Variants in MRPS18C observed in about 807,000 individuals in gnomAD.
The protein encoded by MRPS18C is small ribosomal subunit protein bS18m.
Under a neutral mutation model 21.0 loss-of-function variants are expected in MRPS18C, and 21 were observed. That is an observed-to-expected ratio of 1.00 (90% CI 0.71 to 1.44). The LOEUF is 1.44. Among genes scored for constraint, MRPS18C ranks in the 40% most tolerant of loss-of-function variants. MRPS18C has a pLI of 0.00. For missense variants in MRPS18C, 152 were observed against 171.5 expected (o/e 0.89, Z 0.64); for synonymous variants, 65 against 54.3 (o/e 1.20, Z -0.87).
At position 83,457,067 on chromosome 4, in the gene MRPS18C, T is replaced by C; in HGVS notation, c.150+109T>C. 3.5e-6 allele frequency: 3 copies of C among 867,696 alleles called. No homozygotes were observed. In the South Asian group the frequency reaches 4.8e-5, roughly 14 times the overall value. The allele number at this position is 867,696 out of a possible 1,614,324, so 53.7% of individuals were successfully genotyped here. On this transcript the variant is annotated intron_variant, in intron 2 of 5. Transcript: ENST00000295491. ...CTCTAACATCTTTTATTTTAGCTAC[T>C]TGAATAGAGTTCTGCCGTAGGACAA...
Position 83,461,366 on chromosome 4 carries a change from AACAC to A in MRPS18C, c.*170_*173del. ...AAGCAGATTGCTTATTTAAAATGTT[AACAC>A]TCATCACATTTTATCTATGTTGAAT... is the stretch of plus-strand genomic sequence containing the variant. On this transcript the variant is annotated 3_prime_UTR_variant, in exon 6 of 6. Transcript: ENST00000295491. 1 of 589,394 alleles carries A rather than the reference AACAC, an allele frequency of 1.7e-6. No homozygotes were observed. Among genetic ancestry groups the A allele is most frequent in the Non-Finnish European group, 3.0e-6 (1 of 329,908 alleles). The allele number at this position is 589,394 out of a possible 1,614,324, so 36.5% of individuals were successfully genotyped here. A position where few individuals can be genotyped will look rare whatever the true frequency, so the allele number is the denominator to read the frequency against.
At chr4:83,458,796 G>C (rs1255168597) in intron 3 of MRPS18C, 1 of 166,668 alleles carries the variant, frequency 6.0e-6, no homozygotes, top group Non-Finnish European at 1.3e-5. Context: ...CTTATCTCTT[G>C]TCTAACTCTC....
In MRPS18C at chr4:83,458,448, T is replaced by C. The variant is rs1436019929; in HGVS notation, c.234+19T>C. The C allele has an allele frequency of 1.3e-6, 2 of 1,539,422 alleles. No individual in the cohort carries two copies. Among genetic ancestry groups the C allele is most frequent in the African/African-American group, 2.8e-5 (2 of 72,160 alleles). On this transcript the variant is annotated intron_variant, in intron 3 of 5. Transcript: ENST00000295491. ...TGTACAGGTGAGATCTGGTTTTACTTCACTATATTTTAGGGTTTTGCTTCT... is the reference window on the plus strand; with the variant it reads ...TGTACAGGTGAGATCTGGTTTTACTCCACTATATTTTAGGGTTTTGCTTCT...
chr4:83,457,105 A>C (rs1721873340), intron 2 of MRPS18C, 147 bp downstream of exon 2: 1 of 619,986 alleles, frequency 1.6e-6, no homozygotes. Flanking sequence ...CAATTTGATA[A>C]TTACTCTGAG....
Position 83,458,155 on chromosome 4 carries a change from A to G in MRPS18C, c.151-191A>G, listed in dbSNP as rs538473630. The stretch of plus-strand genomic sequence containing the variant: ...TAAAATTTTATTCTATGAAGATTGT[A>G]CTTTATTCCAGAATCTTCCCATGCG... On this transcript the variant is annotated intron_variant, in intron 2 of 5. Transcript: ENST00000295491. 46 of 481,290 alleles carry G rather than the reference A, an allele frequency of 9.6e-5. No homozygotes were observed. The East Asian group carries it at 1.7e-3, about 18-fold the overall frequency. 29.8% of individuals were successfully genotyped at this position (481,290 alleles called of 1,614,324 possible). A position where few individuals can be genotyped will look rare whatever the true frequency, so the allele number is the denominator to read the frequency against.
chr4:83,460,928 AAATATTGACATTTTTT>A, intron 4 of MRPS18C, 29 bp from the exon 5 acceptor site: 2 of 1,559,448 alleles, frequency 1.3e-6, no homozygotes, highest in Non-Finnish European at 1.7e-6. Flanking sequence ...TGCAAACTTT[AAATATTGACATTTTTT>A]ATGAATAAGA....
chr4:83,458,597 T>TGATACGGCGAC, intron 3 of MRPS18C, 168 bp downstream of exon 3: 3 of 498,296 alleles, frequency 6.0e-6, no homozygotes, highest in Non-Finnish European at 1.0e-5. Flanking sequence ...TCTGCTTTAT[T>TGATACGGCGAC]CAAGTAAAAG....
At chr4:83,456,875 GA>G (rs1461449530) in intron 1 of MRPS18C, 33 bp from the exon 2 acceptor site, 2 of 1,604,466 alleles carry the variant, frequency 1.2e-6, no homozygotes, top group Admixed American at 1.7e-5. Flanking sequence ...CTAAGAAAAA[GA>G]AATGGTTAAT....
chr4:83,461,547 A>G lies in MRPS18C; in HGVS notation c.*350A>G. 1 of 326,314 alleles carries G rather than the reference A, an allele frequency of 3.1e-6. No homozygotes were observed. Among genetic ancestry groups the G allele is most frequent in the South Asian group, 5.1e-5 (1 of 19,644 alleles). The allele number at this position is 326,314 out of a possible 1,614,324, so 20.2% of individuals were successfully genotyped here. A position where few individuals can be genotyped will look rare whatever the true frequency, so the allele number is the denominator to read the frequency against. On this transcript the variant is annotated 3_prime_UTR_variant, in exon 6 of 6. Transcript: ENST00000295491. Reference sequence around the variant, plus strand: ...GTTAAGATATCTTCCCTTTGTAGAAATGTTACATTGGGATGGATAGTGGTG... The same window carrying G: ...GTTAAGATATCTTCCCTTTGTAGAAGTGTTACATTGGGATGGATAGTGGTG...
chr4:83,458,453 A>G (rs369432357), intron 3 of MRPS18C, 24 bp downstream of exon 3: 98 of 1,529,760 alleles, frequency 6.4e-5, no homozygotes, highest in Non-Finnish European at 8.5e-5. Context: ...TTACTTCACT[A>G]TATTTTAGGG....
In MRPS18C at chr4:83,458,429, G is replaced by A. The variant is rs754954618; in HGVS notation, c.234G>A (p.Gln78=). Residue 78 remains glutamine, a splice_region_variant and synonymous_variant, in exon 3 of 6, where the codon CAG becomes CAA. Transcript: ENST00000295491. The part of the protein sequence containing the change: ...CGKHVDYKNV[Q]LLSQFVSPFT... Reference sequence around the variant, plus strand: ...AGCATGTAGATTATAAGAATGTACAGGTGAGATCTGGTTTTACTTCACTAT... The same window carrying A: ...AGCATGTAGATTATAAGAATGTACAAGTGAGATCTGGTTTTACTTCACTAT... 5 of 1,570,964 alleles carry A rather than the reference G, an allele frequency of 3.2e-6. No homozygotes were observed. The highest frequency in any genetic ancestry group is 2.6e-6 in the Non-Finnish European group (3 of 1,147,296).
Position 83,461,038 on chromosome 4 carries a change from A to G in MRPS18C, c.352+6A>G, listed in dbSNP as rs1009365810. On this transcript the variant is annotated splice_donor_region_variant and intron_variant, in intron 5 of 5. Coordinates refer to ENST00000295491, the MANE Select transcript of MRPS18C (RefSeq NM_016067.4). ...TAAGAGAGCTCAAATAATGGGTAAG[A>G]AAGAATACCTCAACAACTGAATTGA... The G allele has an allele frequency of 6.8e-6, 11 of 1,612,890 alleles. No individual in the cohort carries two copies. Among genetic ancestry groups the G allele is most frequent in the Non-Finnish European group, 9.3e-6 (11 of 1,179,314 alleles).
Position 83,459,802 on chromosome 4 carries a change from GTTCT to G in MRPS18C, c.292+8_292+11del, listed in dbSNP as rs749104393. 1.9e-6 allele frequency: 3 copies of G among 1,586,256 alleles called. No homozygotes were observed. Among genetic ancestry groups the G allele is most frequent in the East Asian group, 2.3e-5 (1 of 44,438 alleles). On this transcript the variant is annotated splice_donor_region_variant and intron_variant, in intron 4 of 5. Coordinates refer to ENST00000295491, the MANE Select transcript of MRPS18C (RefSeq NM_016067.4). ...TTTATGGAAGGCACATTACAGGTAT[GTTCT>G]TTTTTATTATGGGAATATAAATGTA...
intron 5 of MRPS18C, 36 bp downstream of exon 5, chr4:83,461,068 G>C: frequency 2.5e-6 from 4 of 1,611,988 alleles, no homozygotes; most frequent in African/African-American, 1.3e-5. Flanking sequence ...AATTGAGCTA[G>C]CTGAAATTTT....
chr4:83,459,564 T>C lies in MRPS18C; in HGVS notation c.235-176T>C, dbSNP rs1049472100. 63 of 569,802 alleles carry C rather than the reference T, an allele frequency of 1.1e-4. No individual in the cohort carries two copies. In the African/African-American group the frequency reaches 1.2e-3, roughly 11 times the overall value. The allele number at this position is 569,802 out of a possible 1,614,324, so 35.3% of individuals were successfully genotyped here. A position where few individuals can be genotyped will look rare whatever the true frequency, so the allele number is the denominator to read the frequency against. On this transcript the variant is annotated intron_variant, in intron 3 of 5. Coordinates refer to ENST00000295491, the MANE Select transcript of MRPS18C (RefSeq NM_016067.4). ...TTATATATAGACTTGACACACTGGA[T>C]AGAAAATATTTAAAAGGTAACAGGA...
Position 83,460,114 on chromosome 4 carries a change from C to T in MRPS18C, c.292+317C>T, listed in dbSNP as rs185612745. The stretch of plus-strand genomic sequence containing the variant: ...CAAACTATGGCCCATAGGCCAAATT[C>T]GACCTGCTCCCTTTTTATCTTGATT... On this transcript the variant is annotated intron_variant, in intron 4 of 5. Transcript: ENST00000295491. 164 of 188,650 alleles carry T rather than the reference C, an allele frequency of 8.7e-4. 1 individual carries two copies. Among genetic ancestry groups the T allele is most frequent in the South Asian group, 1.8e-3 (10 of 5,672 alleles). The allele number at this position is 188,650 out of a possible 1,614,324, so 11.7% of individuals were successfully genotyped here.
chr4:83,456,636 TTTCTC>T (rs1301179184), intron 1 of MRPS18C, among the ~76,000 whole-genome samples: 3 of 152,162 alleles, frequency 2.0e-5, no homozygotes, highest in Non-Finnish European at 2.9e-5. Flanking sequence ...CATTAAGAAT[TTTCTC>T]TAACCATGGA....
Position 83,458,368 on chromosome 4 carries a change from A to G in MRPS18C, c.173A>G (p.Tyr58Cys), listed in dbSNP as rs1721943776. 3 of 1,603,414 alleles carry G rather than the reference A, an allele frequency of 1.9e-6. No homozygotes were observed. The highest frequency in any genetic ancestry group is 2.6e-6 in the Non-Finnish European group (3 of 1,171,528). ...EDLPISMENP[Y>C]KEPLKKCILC... is the part of the protein sequence containing the mutation. ...TAGCCCATTTCAATGGAAAATCCTTATAAAGAACCTCTTAAGAAATGTATC... is the reference window on the plus strand; with the variant it reads ...TAGCCCATTTCAATGGAAAATCCTTGTAAAGAACCTCTTAAGAAATGTATC... The change falls in exon 3 of 6, where the codon TAT becomes TGT. Residue 58 changes from tyrosine (Y) to cysteine (C), a missense_variant. By Grantham distance (194) the Tyr-to-Cys change is radical (BLOSUM62 -2). This residue lies in a region of MRPS18C where 118 missense variants were observed against 104.4 expected (regional missense o/e 1.13). Transcript: ENST00000295491.
In MRPS18C at chr4:83,458,337, T is replaced by C. The variant is rs781703725; in HGVS notation, c.151-9T>C. On this transcript the variant is annotated splice_polypyrimidine_tract_variant and intron_variant, in intron 2 of 5. Transcript: ENST00000295491. ...ATCCTATTATCAGACTTTTCGTTTTTTTCCCTAGCCCATTTCAATGGAAAA... is the reference window on the plus strand; with the variant it reads ...ATCCTATTATCAGACTTTTCGTTTTCTTCCCTAGCCCATTTCAATGGAAAA... The C allele has an allele frequency of 3.2e-6, 5 of 1,578,044 alleles. No homozygotes were observed. The South Asian group carries it at 5.7e-5, about 18-fold the overall frequency.
Sources: gnomAD v4.1 joint callset for allele counts (sites outside exome capture counted in the v4.1 genomes callset) on GRCh38, gnomAD v4.1.1 for gene constraint, gnomAD v4.1.1 regional missense constraint, MANE v1.5 for transcripts, NCBI Gene and HGNC (gene_info 2026-07-23, HGNC 2026-07-21) for gene names.